Variants in SCFD2 observed in about 807,000 individuals in gnomAD.
SCFD2 encodes the protein sec1 family domain-containing protein 2.
In SCFD2, 54 loss-of-function variants were observed where a neutral mutation model predicts 58.9. That is an observed-to-expected ratio of 0.92 (90% CI 0.74 to 1.15). The LOEUF is 1.15. Ranked by LOEUF, SCFD2 falls within the 50% of genes most tolerant of loss-of-function variation. The pLI is 0.00. For missense variants in SCFD2, 805 were observed against 836.6 expected, an observed-to-expected ratio of 0.96 and a Z score of 0.47; for synonymous variants, 321 against 335.9, an observed-to-expected ratio of 0.96 and a Z score of 0.49.
intron 5 of SCFD2, among the ~76,000 whole-genome samples, chr4:53,134,594 T>C (rs912599925): frequency 1.3e-5 from 2 of 152,232 alleles, no homozygotes; most frequent in Admixed American, 6.5e-5. Context: ...TTTTGATTAT[T>C]CCAATTCGAG....
chr4:53,215,129 A>G (rs1321729461), intron 4 of SCFD2, among the ~76,000 whole-genome samples: 1 of 152,048 alleles, frequency 6.6e-6, no homozygotes. Context: ...TTGACTTGGC[A>G]ATGCAGGCTC....
At chr4:52,927,309 T>C (rs1361784826) in intron 5 of SCFD2, among the ~76,000 whole-genome samples, 1 of 152,206 alleles carries the variant, frequency 6.6e-6, no homozygotes, top group East Asian at 1.9e-4. Flanking sequence ...AAGGTAATTT[T>C]TTTTTTTTTA....
chr4:53,358,344 C>A (rs1284590583), intron 1 of SCFD2, among the ~76,000 whole-genome samples: 1 of 152,070 alleles, frequency 6.6e-6, no homozygotes, highest in Admixed American at 6.6e-5. Flanking sequence ...GCCTGGCCAA[C>A]ATGGTGAAAC....
rs1719710096 is a variant in SCFD2 at position 52,920,598 on chromosome 4, G to A, written c.1707+127C>T. The A allele has an allele frequency of 5.9e-5, 33 of 558,816 alleles. No homozygotes were observed. The East Asian group carries it at 1.1e-3, about 18-fold the overall frequency. 34.6% of individuals were successfully genotyped at this position (558,816 alleles called of 1,614,324 possible). A position where few individuals can be genotyped will look rare whatever the true frequency, so the allele number is the denominator to read the frequency against. On this transcript the variant is annotated intron_variant, in intron 6 of 8. Coordinates refer to ENST00000401642, the MANE Select transcript of SCFD2 (RefSeq NM_152540.4). ...GGACCCAAAACTCTGAACTAAAAGAGAACTTGGAGATCATCTAGAACAAAC... is the reference window on the plus strand; with the variant it reads ...GGACCCAAAACTCTGAACTAAAAGAAAACTTGGAGATCATCTAGAACAAAC...
At chr4:53,289,058 A>G (rs529172758) in intron 3 of SCFD2, among the ~76,000 whole-genome samples, 55 of 152,332 alleles carry the variant, frequency 3.6e-4, no homozygotes, top group African/African-American at 1.2e-3. Flanking sequence ...AAGTTAAACC[A>G]TTATCAAGTT....
At chr4:53,328,134 CAAAAAAAAACA>C (rs571655929) in intron 2 of SCFD2, among the ~76,000 whole-genome samples, 34 of 66,736 alleles carry the variant, frequency 5.1e-4, no homozygotes, top group Admixed American at 9.8e-4. Context: ...GACTCTGTCT[CAAAAAAAAACA>C]AAAAAAAAAC....
At chr4:53,284,165 G>A (rs1006813177) in intron 3 of SCFD2, among the ~76,000 whole-genome samples, 3 of 148,832 alleles carry the variant, frequency 2.0e-5, no homozygotes, top group Non-Finnish European at 1.5e-5. Flanking sequence ...CATGCATAAT[G>A]TAATGTATGA....
intron 5 of SCFD2, among the ~76,000 whole-genome samples, chr4:52,931,488 A>G (rs575677714): frequency 6.6e-6 from 1 of 152,312 alleles, no homozygotes; most frequent in East Asian, 1.9e-4. Context: ...TTTCCTGTTA[A>G]TATTTGCTTA....
intron 5 of SCFD2, among the ~76,000 whole-genome samples, chr4:53,002,810 T>G (rs538968892): frequency 5.6e-4 from 85 of 152,302 alleles, no homozygotes; most frequent in African/African-American, 1.4e-3. Context: ...AAAAGAGGTT[T>G]AATTGGCTCA....
At chr4:52,995,551 G>A (rs1391903256) in intron 5 of SCFD2, among the ~76,000 whole-genome samples, 1 of 152,238 alleles carries the variant, frequency 6.6e-6, no homozygotes, top group African/African-American at 2.4e-5. Context: ...CCAGCATGTA[G>A]CATCATGCCT....
intron 5 of SCFD2, chr4:52,957,790 G>C (rs1468027356): frequency 1.3e-5 from 2 of 152,216 alleles, no homozygotes; most frequent in Non-Finnish European, 2.9e-5. Context: ...GCTGGGCCAG[G>C]CACCCCAGGT....
chr4:53,282,804 A>G (rs183805598), intron 3 of SCFD2, among the ~76,000 whole-genome samples: 1 of 152,310 alleles, frequency 6.6e-6, no homozygotes, highest in East Asian at 1.9e-4. Context: ...TAAAACTATC[A>G]TCATGTGTGG....
At chr4:53,294,925 G>A (rs1176559365) in intron 3 of SCFD2, among the ~76,000 whole-genome samples, 1 of 152,110 alleles carries the variant, frequency 6.6e-6, no homozygotes, top group Non-Finnish European at 1.5e-5. Flanking sequence ...TTTTTGTCAG[G>A]TTTGTTAAAG....
At chr4:53,054,137 CT>C (rs1278839036) in intron 5 of SCFD2, among the ~76,000 whole-genome samples, 1 of 152,076 alleles carries the variant, frequency 6.6e-6, no homozygotes, top group Non-Finnish European at 1.5e-5. Context: ...TAGTCCCTGT[CT>C]TCATGAGATC....
In SCFD2 at chr4:53,145,012, T is replaced by C. The variant is rs545839320; in HGVS notation, c.1561+321A>G. Among the ~76,000 whole-genome samples the C allele has an allele frequency of 2.7e-3, 418 of 152,092 alleles. 2 individuals are homozygous for C. Among genetic ancestry groups the C allele is most frequent in the African/African-American group, 9.7e-3 (404 of 41,502 alleles). Reference sequence around the variant, plus strand: ...CGGCAGCATTCGATTCTCATAGGAGTGTGAACCCTACTGTGAAGTGCACAT... The same window carrying C: ...CGGCAGCATTCGATTCTCATAGGAGCGTGAACCCTACTGTGAAGTGCACAT... On this transcript the variant is annotated intron_variant, in intron 5 of 8. Coordinates refer to ENST00000401642, the MANE Select transcript of SCFD2 (RefSeq NM_152540.4).
chr4:53,159,503 A>C (rs1314787210), intron 4 of SCFD2, among the ~76,000 whole-genome samples: 1 of 152,234 alleles, frequency 6.6e-6, no homozygotes, highest in Non-Finnish European at 1.5e-5. Context: ...TAGGACAAAT[A>C]GTTAAGGGAC....
chr4:53,232,221 T>C (rs1442600428), intron 4 of SCFD2, among the ~76,000 whole-genome samples: 1 of 152,114 alleles, frequency 6.6e-6, no homozygotes, highest in Non-Finnish European at 1.5e-5. Flanking sequence ...ACAGTTCACT[T>C]ACAAAAAGAA....
chr4:53,257,817 G>A (rs1282322300), intron 4 of SCFD2, among the ~76,000 whole-genome samples: 1 of 151,648 alleles, frequency 6.6e-6, no homozygotes, highest in Admixed American at 6.6e-5. Context: ...ATCTCTTTAT[G>A]TCTGGAAATC....
chr4:53,209,076 T>C (rs1191687914), intron 4 of SCFD2, among the ~76,000 whole-genome samples: 1 of 152,128 alleles, frequency 6.6e-6, no homozygotes, highest in African/African-American at 2.4e-5. Context: ...CATTCAGTGC[T>C]AAAACCAGGA....
Sources: gnomAD v4.1 joint callset for allele counts (sites outside exome capture counted in the v4.1 genomes callset) on GRCh38, gnomAD v4.1.1 for gene constraint, MANE v1.5 for transcripts, NCBI Gene and HGNC (gene_info 2026-07-23, HGNC 2026-07-21) for gene names.